MYO5C: variants seen among roughly 807,000 people sequenced by gnomAD.
MYO5C encodes the protein unconventional myosin-Vc.
MYO5C carries 194 observed loss-of-function variants against 235.7 expected under a neutral mutation model. The ratio of observed to expected loss-of-function variants is 0.82; its 90% CI spans 0.73 to 0.93. The LOEUF (loss-of-function observed/expected upper bound fraction) is 0.93. Ranked by LOEUF, MYO5C falls within the 40% of genes least tolerant of loss-of-function variation. The pLI, the probability that MYO5C is intolerant of heterozygous loss-of-function variation, is 0.00. For synonymous variants in MYO5C, 707 were observed against 754.8 expected, an observed-to-expected ratio of 0.94 and a Z score of 1.04; for missense variants, 2,038 against 2,127.2, an observed-to-expected ratio of 0.96 and a Z score of 0.82.
intron 2 of MYO5C, among the ~76,000 whole-genome samples, chr15:52,281,082 C>T (rs1313832065): frequency 6.6e-6 from 1 of 152,210 alleles, no homozygotes; most frequent in Non-Finnish European, 1.5e-5. Context: ...AAATGCTTCT[C>T]ATACATACTG....
At position 52,197,776 on chromosome 15, in the gene MYO5C, C is replaced by T. The variant is rs1210489680; in HGVS notation, c.4821-1293G>A. Reference sequence around the variant, plus strand: ...TTAGCCTCCTGAGTAGCTGGGATTACAGGCGCCTGCCACTACACCCGGCTA... The same window carrying T: ...TTAGCCTCCTGAGTAGCTGGGATTATAGGCGCCTGCCACTACACCCGGCTA... On this transcript the variant is annotated intron_variant, in intron 38 of 40. Coordinates refer to ENST00000261839, the MANE Select transcript of MYO5C (RefSeq NM_018728.4). Among the ~76,000 whole-genome samples, 9 of 152,082 alleles carry T rather than the reference C, an allele frequency of 5.9e-5. No individual in the cohort carries two copies. The South Asian group carries it at 8.3e-4, about 14-fold the overall frequency.
intron 4 of MYO5C, chr15:52,277,181 C>A (rs1369551133): frequency 1.9e-6 from 1 of 529,896 alleles, no homozygotes; most frequent in East Asian, 5.5e-5. Flanking sequence ...TGTTCTACAG[C>A]CCTGAGGGAC....
chr15:52,219,736 G>C lies in MYO5C; in HGVS notation c.3785+23C>G. ...AAGCATTACACGAGCATGAACTTGA[G>C]GTACACACATATTTACACTTACTTT... On this transcript the variant is annotated intron_variant, in intron 31 of 40. Transcript: ENST00000261839. The C allele has an allele frequency of 8.9e-6, 14 of 1,580,314 alleles. 2 individuals are homozygous for C. The highest frequency in any genetic ancestry group is 1.2e-5 in the Non-Finnish European group (14 of 1,150,968).
intron 29 of MYO5C, 107 bp from the exon 30 acceptor site, chr15:52,221,362 T>A: frequency 1.3e-6 from 1 of 770,352 alleles, no homozygotes; most frequent in Non-Finnish European, 2.0e-6. Flanking sequence ...GCAGAACAGA[T>A]AGCTGTGTAA....
At chr15:52,288,062 G>A (rs2037313814) in intron 1 of MYO5C, among the ~76,000 whole-genome samples, 1 of 152,150 alleles carries the variant, frequency 6.6e-6, no homozygotes, top group Non-Finnish European at 1.5e-5. Flanking sequence ...GGAGCTGAGA[G>A]CCCTGGGGGC....
intron 29 of MYO5C, among the ~76,000 whole-genome samples, chr15:52,223,041 C>T (rs141919255): frequency 0.022 from 3,395 of 151,238 alleles, 57 homozygotes; most frequent in Admixed American, 0.032. Context: ...CCCAGCTACT[C>T]GGGAGGCTGA....
In MYO5C at chr15:52,264,209, TTG is replaced by T. The variant is rs1566985669; in HGVS notation, c.1026_1027del (p.Asn343ArgfsTer6). 5.6e-6 allele frequency: 9 copies of T among 1,613,384 alleles called. No individual in the cohort carries two copies. Among genetic ancestry groups the T allele is most frequent in the Admixed American group, 1.7e-5 (1 of 59,968 alleles). On this transcript the variant is annotated frameshift_variant, in exon 9 of 41. Coordinates refer to ENST00000261839, the MANE Select transcript of MYO5C (RefSeq NM_018728.4). LOFTEE classifies it high-confidence loss of function. ...TCTCACACTAACTGAGGACCTCTCG[TTG>T]CCCACCGCGGTGATCTGCACATTGC...
intron 1 of MYO5C, among the ~76,000 whole-genome samples, chr15:52,293,020 T>C (rs2037424954): frequency 6.6e-6 from 1 of 152,218 alleles, no homozygotes; most frequent in South Asian, 2.1e-4. Flanking sequence ...TGGGAGCCTC[T>C]AGAGGTGGTA....
At chr15:52,260,569 T>C (rs957829056) in intron 10 of MYO5C, among the ~76,000 whole-genome samples, 8 of 152,186 alleles carry the variant, frequency 5.3e-5, no homozygotes, top group African/African-American at 9.6e-5. Flanking sequence ...GGGATAGTTA[T>C]AAGGTTGTTT....
In MYO5C at chr15:52,205,129, T is replaced by C. The variant is rs1261116829; in HGVS notation, c.4556A>G (p.Tyr1519Cys). The C allele has an allele frequency of 1.2e-6, 2 of 1,613,906 alleles. No homozygotes were observed. Among genetic ancestry groups the C allele is most frequent in the Non-Finnish European group, 1.7e-6 (2 of 1,179,846 alleles). ...QPIIVPGMLE[Y>C]ESLQGISGLK... ...GCCGGAAATGCCCTGCAGGCTCTCA[T>C]ACTCCAGCATTCCCGGAACTGCGGA... The change falls in exon 38 of 41, where the codon TAT (tyrosine) becomes TGT (cysteine). Residue 1519 changes from tyrosine (Y) to cysteine (C), a missense_variant. Physicochemically the swap from Tyr to Cys is radical, Grantham distance 194. Coordinates refer to ENST00000261839, the MANE Select transcript of MYO5C (RefSeq NM_018728.4).
At chr15:52,294,628 C>T (rs554044186) in intron 1 of MYO5C, among the ~76,000 whole-genome samples, 1 of 152,274 alleles carries the variant, frequency 6.6e-6, no homozygotes, top group African/African-American at 2.4e-5. Flanking sequence ...CGTCTGAATA[C>T]TGAGGTCTCT....
intron 16 of MYO5C, 114 bp downstream of exon 16, chr15:52,246,803 T>A: frequency 1.3e-6 from 1 of 748,906 alleles, no homozygotes; most frequent in Non-Finnish European, 2.2e-6. Flanking sequence ...TCTGAATCAT[T>A]AAAAAAAAAC....
At chr15:52,256,913 C>A in intron 10 of MYO5C, 193 bp from the exon 11 acceptor site, 1 of 531,220 alleles carries the variant, frequency 1.9e-6, no homozygotes, top group South Asian at 2.4e-5. Flanking sequence ...TGGTTGTCCC[C>A]CGGAAGAAAT....
intron 25 of MYO5C, among the ~76,000 whole-genome samples, chr15:52,226,066 T>C (rs1188027634): frequency 6.7e-6 from 1 of 149,110 alleles, no homozygotes; most frequent in Non-Finnish European, 1.5e-5. Flanking sequence ...AAAAAAAAAT[T>C]AACTTCCCTG....
rs60314548 is a variant in MYO5C, at chr15:52,222,487, A to G, written c.3627+1057T>C. On this transcript the variant is annotated intron_variant, in intron 29 of 40. Coordinates refer to ENST00000261839, the MANE Select transcript of MYO5C (RefSeq NM_018728.4). ...GGAGAGCGGGGCGTCCTGGAAGCCA[A>G]GAGAACAAGGCAGAGAGGGCAAGAT... Among the ~76,000 whole-genome samples, 1,367 of 152,292 alleles carry G rather than the reference A, an allele frequency of 9.0e-3. 20 individuals carry two copies. The highest frequency in any genetic ancestry group is 0.032 in the African/African-American group (1,329 of 41,552).
chr15:52,215,042 C>T, intron 32 of MYO5C, among the ~76,000 whole-genome samples: 1 of 152,150 alleles, frequency 6.6e-6, no homozygotes, highest in East Asian at 1.9e-4. Flanking sequence ...GTGTGTGTGT[C>T]TGGCTTCTTT....
chr15:52,256,695 A>T lies in MYO5C; in HGVS notation c.1339T>A (p.Phe447Ile), dbSNP rs760376013. 2.5e-6 allele frequency: 4 copies of T among 1,613,690 alleles called. No homozygotes were observed. The African/African-American group carries it at 5.3e-5, about 22-fold the overall frequency. ...GCGTAATTGATGCAAAATTGTTCAA[A>T]GCTGTTCACATCAAAGGTTTCAAAA... The part of the protein sequence containing the change: ...YGFETFDVNS[F>I]EQFCINYANE... The change falls in exon 11 of 41, where the codon TTT (phenylalanine) becomes ATT (isoleucine). Residue 447 changes from phenylalanine to isoleucine, a missense_variant. Transcript: ENST00000261839.
At chr15:52,285,989 A>G (rs1391167076) in intron 1 of MYO5C, among the ~76,000 whole-genome samples, 1 of 151,698 alleles carries the variant, frequency 6.6e-6, no homozygotes, top group Admixed American at 6.5e-5. Flanking sequence ...GGAAGTAAGG[A>G]GCGTCTCTGC....
chr15:52,288,555 C>T (rs1364761249), intron 1 of MYO5C, among the ~76,000 whole-genome samples: 1 of 152,174 alleles, frequency 6.6e-6, no homozygotes, highest in Non-Finnish European at 1.5e-5. Context: ...TTACTCAGCT[C>T]CGGGTAAGTT....
Sources: gnomAD v4.1 joint callset for allele counts (sites outside exome capture counted in the v4.1 genomes callset) on GRCh38, gnomAD v4.1.1 for gene constraint, MANE v1.5 for transcripts, NCBI Gene and HGNC (gene_info 2026-07-23, HGNC 2026-07-21) for gene names.